The following ROCK2 variants were observed in gnomAD, a reference collection of about 807,000 sequenced individuals.
ROCK2 encodes Rho associated coiled-coil containing protein kinase 2.
In ROCK2, 61 loss-of-function variants were observed where a neutral mutation model predicts 195.1. The observed-to-expected ratio is 0.31, with a 90% CI of 0.25 to 0.39. The LOEUF (loss-of-function observed/expected upper bound fraction) is 0.39. Among genes scored for constraint, ROCK2 ranks in the 10% least tolerant of loss-of-function variants. The pLI is 1.00. For missense variants in ROCK2, 1,109 were observed against 1,637.4 expected (o/e 0.68, Z 5.57); for synonymous variants, 504 against 545.5 (o/e 0.92, Z 1.06).
chr2:11,306,307 G>T (rs914122263), intron 1 of ROCK2, among the ~76,000 whole-genome samples: 8 of 152,194 alleles, frequency 5.3e-5, no homozygotes, highest in African/African-American at 9.7e-5. Flanking sequence ...CCAGTTGGTG[G>T]TAGCTCTCCA....
At chr2:11,246,125 C>T (rs1665605329) in intron 4 of ROCK2, among the ~76,000 whole-genome samples, 1 of 152,180 alleles carries the variant, frequency 6.6e-6, no homozygotes. Flanking sequence ...GATAACCAGA[C>T]ATTAGTCTTC....
intron 3 of ROCK2, among the ~76,000 whole-genome samples, chr2:11,260,509 C>G: frequency 6.7e-6 from 1 of 150,278 alleles, no homozygotes; most frequent in Middle Eastern, 3.6e-3. Flanking sequence ...TATATTTACA[C>G]CACTCTTCAA....
intron 3 of ROCK2, among the ~76,000 whole-genome samples, chr2:11,275,702 T>C (rs904285113): frequency 2.0e-4 from 30 of 149,036 alleles, no homozygotes; most frequent in African/African-American, 6.9e-4. Context: ...AATCTTTTTT[T>C]TTTTTTTTTT....
At chr2:11,249,481 A>G (rs1195386944) in intron 4 of ROCK2, among the ~76,000 whole-genome samples, 180 bp downstream of exon 4, 1 of 152,270 alleles carries the variant, frequency 6.6e-6, no homozygotes, top group African/African-American at 2.4e-5. Flanking sequence ...ATTACATGTC[A>G]TATCTATGTG....
intron 3 of ROCK2, among the ~76,000 whole-genome samples, chr2:11,260,740 A>G (rs1666198197): frequency 6.6e-6 from 1 of 152,264 alleles, no homozygotes; most frequent in African/African-American, 2.4e-5. Context: ...AAATATTTAA[A>G]CTAGCATTTA....
intron 1 of ROCK2, among the ~76,000 whole-genome samples, chr2:11,297,758 A>C (rs1440858439): frequency 6.6e-6 from 1 of 152,182 alleles, no homozygotes; most frequent in African/African-American, 2.4e-5. Flanking sequence ...TTACCACATT[A>C]TATTAGGTCA....
intron 3 of ROCK2, among the ~76,000 whole-genome samples, chr2:11,270,457 T>C (rs529357403): frequency 2.0e-5 from 3 of 152,334 alleles, no homozygotes; most frequent in Non-Finnish European, 2.9e-5. Flanking sequence ...CTGTTGTTTT[T>C]TTCTTCTTCT....
Position 11,344,480 on chromosome 2 carries a change from G to A in ROCK2, c.-344C>T, listed in dbSNP as rs964641372. ...GCAGGGAAGTGGCGCCGCCACCGCC[G>A]CGGCCCGGACCGCCCCGCCCTCTGG... On this transcript the variant is annotated 5_prime_UTR_variant, in exon 1 of 33. Transcript: ENST00000315872. This position sits in a 1 kb window ranked among gnomAD's most constrained non-coding sequence, Gnocchi z 5.4. 2.4e-4 allele frequency: 240 copies of A among 998,694 alleles called. 1 individual carries two copies. In the African/African-American group the frequency reaches 3.9e-3, roughly 16 times the overall value. 61.9% of individuals were successfully genotyped at this position (998,694 alleles called of 1,614,324 possible). A position where few individuals can be genotyped will look rare whatever the true frequency, so the allele number is the denominator to read the frequency against.
At chr2:11,282,519 T>G (rs1425982411) in intron 3 of ROCK2, among the ~76,000 whole-genome samples, 2 of 147,558 alleles carry the variant, frequency 1.4e-5, no homozygotes, top group African/African-American at 2.5e-5. Flanking sequence ...TAGACCCACA[T>G]AAATATAGTC....
chr2:11,331,013 AAAGAAGGAGG>A (rs553760937), intron 1 of ROCK2, among the ~76,000 whole-genome samples: 337 of 10,526 alleles, frequency 0.032, 3 homozygotes, highest in African/African-American at 0.12. Flanking sequence ...GAAGGAGCAG[AAAGAAGGAGG>A]GAGGAGGAGG....
At chr2:11,331,059 A>G (rs982088516) in intron 1 of ROCK2, among the ~76,000 whole-genome samples, 27 of 119,428 alleles carry the variant, frequency 2.3e-4, no homozygotes, top group East Asian at 8.3e-4. Context: ...GGAGGAGGAG[A>G]AGAAGAAGAA....
rs1166289487 is a variant in ROCK2 at position 11,278,671 on chromosome 2, G to GGTGC, written c.324+7864_324+7867dup. Among the ~76,000 whole-genome samples the GGTGC allele has an allele frequency of 3.9e-5, 6 of 152,276 alleles. No individual in the cohort carries two copies. The East Asian group carries it at 1.2e-3, about 29-fold the overall frequency. ...TCTGTCGCCCAGCCTGAACTGCAAT[G>GGTGC]GTGCGATCTTGGCTCACTGCAACCT... On this transcript the variant is annotated intron_variant, in intron 3 of 32. Coordinates refer to ENST00000315872, the MANE Select transcript of ROCK2 (RefSeq NM_004850.5).
chr2:11,275,695 CTT>C (rs70953379), intron 3 of ROCK2, among the ~76,000 whole-genome samples: 187 of 110,170 alleles, frequency 1.7e-3, no homozygotes, highest in African/African-American at 5.0e-3. Context: ...ATTCAACAAT[CTT>C]TTTTTTTTTT....
intron 1 of ROCK2, among the ~76,000 whole-genome samples, chr2:11,323,903 AT>A (rs944722364): frequency 3.3e-5 from 5 of 152,176 alleles, no homozygotes; most frequent in African/African-American, 1.2e-4. Context: ...TGCACATCCC[AT>A]GGGTTCACAC....
At chr2:11,206,425 G>C (rs879582347) in intron 20 of ROCK2, among the ~76,000 whole-genome samples, 2 of 151,846 alleles carry the variant, frequency 1.3e-5, no homozygotes, top group Admixed American at 6.6e-5. Context: ...AAGCTGGCCT[G>C]AAATAAGAGA....
intron 3 of ROCK2, among the ~76,000 whole-genome samples, chr2:11,265,136 T>A (rs981471142): frequency 2.6e-5 from 4 of 151,188 alleles, no homozygotes; most frequent in Non-Finnish European, 4.4e-5. Context: ...TAAATACAAA[T>A]GGATTAAAAG....
intron 1 of ROCK2, among the ~76,000 whole-genome samples, chr2:11,297,077 T>C (rs1361076030): frequency 6.6e-6 from 1 of 152,026 alleles, no homozygotes; most frequent in Non-Finnish European, 1.5e-5. Flanking sequence ...AACCTAAAAA[T>C]CTGGAACAGA....
chr2:11,244,237 A>G (rs1665532900), intron 4 of ROCK2, among the ~76,000 whole-genome samples: 1 of 152,194 alleles, frequency 6.6e-6, no homozygotes, highest in Admixed American at 6.5e-5. Context: ...TCCTCATTAT[A>G]TAAATACTTA....
intron 1 of ROCK2, 44 bp downstream of exon 1, chr2:11,343,952 G>A (rs749201230): frequency 5.7e-6 from 9 of 1,574,844 alleles, no homozygotes; most frequent in Non-Finnish European, 6.9e-6. Flanking sequence ...GGGGATCTGA[G>A]GTGTGAGCTG....
Sources: gnomAD v4.1 joint callset for allele counts (sites outside exome capture counted in the v4.1 genomes callset) on GRCh38, gnomAD v4.1.1 for gene constraint, Gnocchi (gnomAD v3.1) non-coding constraint, MANE v1.5 for transcripts, NCBI Gene and HGNC (gene_info 2026-07-23, HGNC 2026-07-21) for gene names.